Variants in BCAS3 observed in about 807,000 individuals in gnomAD.
The protein encoded by BCAS3 is BCAS3 microtubule associated cell migration factor.
BCAS3 carries 53 observed loss-of-function variants against 116.1 expected under a neutral mutation model. The ratio of observed to expected loss-of-function variants is 0.46; its 90% CI spans 0.37 to 0.57. The LOEUF (loss-of-function observed/expected upper bound fraction) is 0.57, where lower values mean the gene tolerates loss of function less well. Ranked by LOEUF, BCAS3 falls within the 20% of genes least tolerant of loss-of-function variation. BCAS3 has a pLI of 0.00. For missense variants in BCAS3, 917 were observed against 1,165.4 expected (o/e 0.79, Z 3.10); for synonymous variants, 391 against 408.2 (o/e 0.96, Z 0.51).
In BCAS3 at chr17:61,162,167, AT is replaced by A. The variant is rs1262166027; in HGVS notation, c.2425+77607del. 6.6e-6 allele frequency among the ~76,000 whole-genome samples: 1 copy of A among 152,212 alleles called. No individual in the cohort carries two copies. The highest frequency in any genetic ancestry group is 1.9e-4 in the East Asian group (1 of 5,198). The stretch of plus-strand genomic sequence containing the variant: ...TTTTTCTTCAGTAAAAATTGAAGAT[AT>A]TTTATTGGGAAATATCCTGGGTAAG... On this transcript the variant is annotated intron_variant, in intron 22 of 23. Coordinates refer to ENST00000407086, the MANE Select transcript of BCAS3 (RefSeq NM_017679.5). This position sits in a 1 kb window ranked among gnomAD's most constrained non-coding sequence, Gnocchi z 5.6.
At chr17:61,044,306 G>T (rs993962967) in intron 19 of BCAS3, among the ~76,000 whole-genome samples, 3 of 151,476 alleles carry the variant, frequency 2.0e-5, no homozygotes, top group African/African-American at 7.3e-5. Context: ...AATTAGCTGG[G>T]CGTGGTGGCG....
chr17:61,384,726 A>G (rs4968557), intron 23 of BCAS3: 129,949 of 152,302 alleles, frequency 0.85, 56,197 homozygotes, highest in East Asian at 0.92. Flanking sequence ...TGGTGACCGC[A>G]TGTACTCTGC....
intron 14 of BCAS3, among the ~76,000 whole-genome samples, chr17:60,976,780 C>A (rs2062410634): frequency 6.6e-6 from 1 of 152,094 alleles, no homozygotes; most frequent in Non-Finnish European, 1.5e-5. Context: ...TAACAGCATC[C>A]CAAGGCAGAA....
In BCAS3 at chr17:61,151,392, C is replaced by CT. The variant is rs397944612; in HGVS notation, c.2425+66841dup. The stretch of plus-strand genomic sequence containing the variant: ...TACCTCCTCCTCCTGTTTTTTCCTA[C>CT]TTTTTTTTTTTTTAACCTGTTAAGG... On this transcript the variant is annotated intron_variant, in intron 22 of 23. Coordinates refer to ENST00000407086, the MANE Select transcript of BCAS3 (RefSeq NM_017679.5). The surrounding 1 kb of genome is among the most constrained non-coding windows in gnomAD (Gnocchi z 4.8). Among the ~76,000 whole-genome samples, 12,395 of 144,904 alleles carry CT rather than the reference C, an allele frequency of 0.086. 1,739 individuals carry two copies. The highest frequency in any genetic ancestry group is 0.29 in the African/African-American group (11,637 of 39,708).
intron 7 of BCAS3, among the ~76,000 whole-genome samples, chr17:60,867,955 A>G (rs2054763800): frequency 6.6e-6 from 1 of 151,626 alleles, no homozygotes. Context: ...CTTATCATGA[A>G]TAGGCTTTGA....
chr17:60,783,985 C>T (rs2046052944), intron 6 of BCAS3, among the ~76,000 whole-genome samples: 1 of 152,122 alleles, frequency 6.6e-6, no homozygotes, highest in Admixed American at 6.5e-5. Context: ...TGAGATGTGG[C>T]TGGCCAAACA....
chr17:60,879,752 T>TAACA (rs2055944979), intron 9 of BCAS3, among the ~76,000 whole-genome samples: 1 of 152,226 alleles, frequency 6.6e-6, no homozygotes, highest in Non-Finnish European at 1.5e-5. Flanking sequence ...TTTCTTGGTT[T>TAACA]TAATGTGTTC....
chr17:61,053,574 A>G (rs954759592), intron 19 of BCAS3, among the ~76,000 whole-genome samples: 13 of 152,344 alleles, frequency 8.5e-5, no homozygotes, highest in Admixed American at 3.3e-4. Context: ...CAAATGTCAC[A>G]TTAGATTTAA....
chr17:61,331,929 G>A (rs1005463269), intron 22 of BCAS3, among the ~76,000 whole-genome samples: 3 of 152,188 alleles, frequency 2.0e-5, no homozygotes, highest in African/African-American at 7.2e-5. Flanking sequence ...CCCATGATGG[G>A]CTCGAGTGGT....
chr17:60,868,528 C>A, intron 7 of BCAS3, 48 bp from the exon 8 acceptor site: 4 of 1,207,818 alleles, frequency 3.3e-6, no homozygotes, highest in Admixed American at 2.7e-5. Context: ...GATTATTGGT[C>A]TTTCTTTTTT....
intron 15 of BCAS3, among the ~76,000 whole-genome samples, chr17:61,006,964 T>G (rs766324194): frequency 5.5e-4 from 84 of 152,190 alleles, no homozygotes; most frequent in Admixed American, 1.2e-3. Flanking sequence ...CTAAACCTTC[T>G]TAAATTTTAA....
At chr17:60,794,271 T>C (rs1427067854) in intron 6 of BCAS3, among the ~76,000 whole-genome samples, 1 of 152,198 alleles carries the variant, frequency 6.6e-6, no homozygotes, top group Non-Finnish European at 1.5e-5. Flanking sequence ...TTCTTACTAA[T>C]TGGTTTGAGT....
rs1380522155 is a variant in BCAS3 at position 61,278,418 on chromosome 17, A to G, written c.2426-89909A>G. ...TCAAACTCCTGGGCTCACATGATCC[A>G]CCCACCTTGGCCTCCCACAGTGCTG... On this transcript the variant is annotated intron_variant, in intron 22 of 23. Coordinates refer to ENST00000407086, the MANE Select transcript of BCAS3 (RefSeq NM_017679.5). This position sits in a 1 kb window ranked among gnomAD's most constrained non-coding sequence, Gnocchi z 5.8. Among the ~76,000 whole-genome samples the G allele has an allele frequency of 6.6e-6, 1 of 152,092 alleles. No homozygotes were observed. Among genetic ancestry groups the G allele is most frequent in the South Asian group, 2.1e-4 (1 of 4,818 alleles).
intron 6 of BCAS3, among the ~76,000 whole-genome samples, chr17:60,763,014 A>T (rs2043696314): frequency 1.3e-5 from 2 of 152,140 alleles, no homozygotes; most frequent in African/African-American, 4.8e-5. Flanking sequence ...ACTGGTGTAT[A>T]AGAATGCTTG....
At chr17:60,835,856 A>G (rs1016359799) in intron 7 of BCAS3, among the ~76,000 whole-genome samples, 3 of 152,148 alleles carry the variant, frequency 2.0e-5, no homozygotes, top group Admixed American at 6.5e-5. Context: ...GAAAAGCAAG[A>G]TTCACAAAAG....
chr17:60,975,906 C>T (rs1230383895), intron 14 of BCAS3, among the ~76,000 whole-genome samples: 2 of 150,012 alleles, frequency 1.3e-5, no homozygotes, highest in Non-Finnish European at 3.0e-5. Flanking sequence ...AATACTATTT[C>T]ATTATATGGA....
rs1343106286 is a variant in BCAS3, at chr17:61,161,987, G to C, written c.2425+77423G>C. 6.6e-6 allele frequency among the ~76,000 whole-genome samples: 1 copy of C among 152,152 alleles called. No individual in the cohort carries two copies. Among genetic ancestry groups the C allele is most frequent in the African/African-American group, 2.4e-5 (1 of 41,420 alleles). On this transcript the variant is annotated intron_variant, in intron 22 of 23. Transcript: ENST00000407086. This position sits in a 1 kb window ranked among gnomAD's most constrained non-coding sequence, Gnocchi z 4.8. ...CTAAATTGGATTCCTTCTACTAAGA[G>C]ATCCTAAATTCGTGTTTAATAGCCA...
chr17:61,077,289 A>G lies in BCAS3; in HGVS notation c.2131-1044A>G, dbSNP rs1451841207. On this transcript the variant is annotated intron_variant, in intron 20 of 23. Coordinates refer to ENST00000407086, the MANE Select transcript of BCAS3 (RefSeq NM_017679.5). This position sits in a 1 kb window ranked among gnomAD's most constrained non-coding sequence, Gnocchi z 4.3. ...TCCCAGCACTTTGGGAGGCCGAGGC[A>G]GGCGGATCACCAGGTCAGGAGACCA... is the stretch of plus-strand genomic sequence containing the variant. 6.6e-6 allele frequency among the ~76,000 whole-genome samples: 1 copy of G among 152,152 alleles called. No homozygotes were observed. The highest frequency in any genetic ancestry group is 1.9e-4 in the East Asian group (1 of 5,190).
chr17:61,149,857 A>G (rs2077448021), intron 22 of BCAS3, among the ~76,000 whole-genome samples: 1 of 152,244 alleles, frequency 6.6e-6, no homozygotes, highest in Admixed American at 6.5e-5. Context: ...AGGAAAAATC[A>G]TAAAAGAATC....
Sources: allele counts gnomAD v4.1 joint callset (sites outside exome capture counted in the v4.1 genomes callset), GRCh38; gene constraint gnomAD v4.1.1; non-coding constraint Gnocchi (gnomAD v3.1); transcripts MANE v1.5; gene names NCBI Gene and HGNC (gene_info 2026-07-23, HGNC 2026-07-21).